The following DLGAP1 variants were observed in gnomAD, a reference collection of about 807,000 sequenced individuals.
DLGAP1 encodes the protein disks large-associated protein 1.
A neutral mutation model predicts 90.8 loss-of-function variants in DLGAP1; 11 were observed. The observed-to-expected ratio is 0.12, with a 90% CI of 0.08 to 0.20. The LOEUF is 0.20. DLGAP1 is among the 10% of genes least tolerant of loss of function. The pLI is 1.00. For missense variants in DLGAP1, 1,050 were observed against 1,333.8 expected (o/e 0.79, Z 3.31); for synonymous variants, 558 against 540.7 (o/e 1.03, Z -0.44).
intron 3 of DLGAP1, among the ~76,000 whole-genome samples, chr18:3,938,674 G>C (rs540224638): frequency 6.6e-6 from 1 of 152,306 alleles, no homozygotes; most frequent in South Asian, 2.1e-4. Context: ...AAGGAGACAG[G>C]AGTAGCTGGA....
intron 7 of DLGAP1, among the ~76,000 whole-genome samples, chr18:3,624,348 C>T (rs958776399): frequency 6.6e-6 from 1 of 152,222 alleles, no homozygotes; most frequent in Non-Finnish European, 1.5e-5. Flanking sequence ...GTGTGCCTGT[C>T]GCCCTGGGCC....
intron 7 of DLGAP1, chr18:3,596,858 G>A (rs751787084): frequency 1.9e-6 from 1 of 520,086 alleles, no homozygotes. Context: ...TGTCACCAGA[G>A]CCCCCTCGTG....
intron 5 of DLGAP1, among the ~76,000 whole-genome samples, chr18:3,764,889 C>T (rs1459109760): frequency 6.6e-6 from 1 of 152,000 alleles, no homozygotes; most frequent in African/African-American, 2.4e-5. Flanking sequence ...TGAGTGGCGT[C>T]AACTTTGTCA....
At position 4,383,038 on chromosome 18, in the gene DLGAP1, A is replaced by G. The variant is rs1446248081; in HGVS notation, c.-267+71968T>C. ...AGAGGATAACCAGCCATGTCTTTCC[A>G]TTACATTATCTTGCCTAATAGAGGT... On this transcript the variant is annotated intron_variant, in intron 1 of 12. Transcript: ENST00000315677. The surrounding 1 kb of genome is among the most constrained non-coding windows in gnomAD (Gnocchi z 4.0). 2.6e-5 allele frequency among the ~76,000 whole-genome samples: 4 copies of G among 152,268 alleles called. No individual in the cohort carries two copies. Among genetic ancestry groups the G allele is most frequent in the African/African-American group, 9.6e-5 (4 of 41,536 alleles).
chr18:3,683,916 T>G (rs776134010), intron 7 of DLGAP1, among the ~76,000 whole-genome samples: 1 of 152,150 alleles, frequency 6.6e-6, no homozygotes, highest in Non-Finnish European at 1.5e-5. Flanking sequence ...AAATTTCATC[T>G]TGCTCTTAAG....
chr18:3,595,636 A>G (rs927319561), intron 7 of DLGAP1, among the ~76,000 whole-genome samples: 9 of 152,242 alleles, frequency 5.9e-5, no homozygotes, highest in African/African-American at 2.2e-4. Context: ...GCACAGAACT[A>G]GGGCACACAT....
chr18:3,726,454 TGAGA>T (rs35741226), intron 7 of DLGAP1, among the ~76,000 whole-genome samples: 7 of 149,338 alleles, frequency 4.7e-5, no homozygotes, highest in Non-Finnish European at 8.9e-5. Flanking sequence ...GGTGTGTGTG[TGAGA>T]GAGAGAGAGA....
Position 4,378,723 on chromosome 18 carries a change from T to C in DLGAP1, c.-267+76283A>G, listed in dbSNP as rs1368610796. 6.6e-6 allele frequency among the ~76,000 whole-genome samples: 1 copy of C among 152,174 alleles called. No homozygotes were observed. The highest frequency in any genetic ancestry group is 1.5e-5 in the Non-Finnish European group (1 of 68,022). On this transcript the variant is annotated intron_variant, in intron 1 of 12. Transcript: ENST00000315677. This position sits in a 1 kb window ranked among gnomAD's most constrained non-coding sequence, Gnocchi z 4.5. ...GAGAACTTTAACTTACTACTTAATC[T>C]GAACCCATTTTATCTGTTTTTATTT...
At chr18:4,064,612 T>C (rs1322287281) in intron 2 of DLGAP1, among the ~76,000 whole-genome samples, 1 of 152,052 alleles carries the variant, frequency 6.6e-6, no homozygotes, top group Non-Finnish European at 1.5e-5. Flanking sequence ...GATAAATTCA[T>C]GGACACAGAC....
intron 3 of DLGAP1, among the ~76,000 whole-genome samples, chr18:3,931,480 G>A (rs1249411278): frequency 6.6e-6 from 1 of 152,142 alleles, no homozygotes; most frequent in African/African-American, 2.4e-5. Context: ...CATGGATTAG[G>A]GCATTTGTTA....
chr18:3,580,496 CAGGAGG>C, intron 8 of DLGAP1: 1 of 1,582,750 alleles, frequency 6.3e-7, no homozygotes, highest in Non-Finnish European at 8.6e-7. Flanking sequence ...GGTGAGAGAC[CAGGAGG>C]AGGAGGAGGA....
Position 4,082,846 on chromosome 18 carries a change from C to T in DLGAP1, c.-159+68334G>A, listed in dbSNP as rs115201810. 3.9e-3 allele frequency among the ~76,000 whole-genome samples: 590 copies of T among 152,028 alleles called. 3 individuals carry two copies. The highest frequency in any genetic ancestry group is 0.013 in the African/African-American group (539 of 41,456). ...GCTAAGGCTGGCTTCATTGACGTGC[C>T]GCTGCTCAGTCACATGGGGCCCCAT... On this transcript the variant is annotated intron_variant, in intron 2 of 12. Coordinates refer to ENST00000315677, the MANE Select transcript of DLGAP1 (RefSeq NM_004746.4).
chr18:4,445,037 T>C (rs111620341), intron 1 of DLGAP1, among the ~76,000 whole-genome samples: 43 of 152,330 alleles, frequency 2.8e-4, no homozygotes, highest in African/African-American at 9.9e-4. Flanking sequence ...ATCTGTTGAC[T>C]ATCTTCCAAC....
At chr18:3,747,400 A>C (rs2063315566) in intron 5 of DLGAP1, among the ~76,000 whole-genome samples, 1 of 152,228 alleles carries the variant, frequency 6.6e-6, no homozygotes, top group African/African-American at 2.4e-5. Context: ...TTTCCTTTTA[A>C]GATCTTTTTT....
At chr18:3,989,855 T>G (rs1459653101) in intron 3 of DLGAP1, among the ~76,000 whole-genome samples, 3 of 152,078 alleles carry the variant, frequency 2.0e-5, no homozygotes, top group Admixed American at 1.3e-4. Context: ...AAGAAGACAT[T>G]TATGCAGCCA....
At chr18:4,264,199 A>C (rs1055651128) in intron 1 of DLGAP1, among the ~76,000 whole-genome samples, 1 of 152,188 alleles carries the variant, frequency 6.6e-6, no homozygotes, top group Non-Finnish European at 1.5e-5. Flanking sequence ...TATTGAACTA[A>C]AAATAGAGAG....
At chr18:4,308,376 C>CTTAT (rs2080316074) in intron 1 of DLGAP1, among the ~76,000 whole-genome samples, 1 of 152,052 alleles carries the variant, frequency 6.6e-6, no homozygotes, top group African/African-American at 2.4e-5. Context: ...GATAAATATG[C>CTTAT]TAGAATCATG....
chr18:3,989,928 A>G (rs1239846721), intron 3 of DLGAP1, among the ~76,000 whole-genome samples: 1 of 152,144 alleles, frequency 6.6e-6, no homozygotes, highest in Non-Finnish European at 1.5e-5. Flanking sequence ...CAAAACCACA[A>G]TGAGATACCA....
intron 5 of DLGAP1, among the ~76,000 whole-genome samples, chr18:3,791,515 CGTGTGTGTGTGTGTGTGCACGCAT>C (rs2065731954): frequency 1.3e-5 from 2 of 150,262 alleles, no homozygotes; most frequent in African/African-American, 2.4e-5. Context: ...TGCACATGTG[CGTGTGTGTGTGTGTGTGCACGCAT>C]GTGTGTGTGT....
Sources: gnomAD v4.1 joint callset for allele counts (sites outside exome capture counted in the v4.1 genomes callset) on GRCh38, gnomAD v4.1.1 for gene constraint, Gnocchi (gnomAD v3.1) non-coding constraint, MANE v1.5 for transcripts, NCBI Gene and HGNC (gene_info 2026-07-23, HGNC 2026-07-21) for gene names.